PPIP5K1: variants seen among roughly 807,000 people sequenced by gnomAD.
PPIP5K1 encodes inositol hexakisphosphate and diphosphoinositol-pentakisphosphate kinase 1.
Under a neutral mutation model 27.7 loss-of-function variants are expected in PPIP5K1, and 6 were observed. The ratio of observed to expected loss-of-function variants is 0.22; its 90% confidence interval spans 0.12 to 0.43. PPIP5K1 has a LOEUF of 0.43. Ranked by LOEUF, PPIP5K1 falls within the 20% of genes least tolerant of loss-of-function variation. The pLI is 1.00. For synonymous variants in PPIP5K1, 145 were observed against 242.6 expected, an observed-to-expected ratio of 0.60 and a Z score of 3.74; for missense variants, 394 against 635.4, an observed-to-expected ratio of 0.62 and a Z score of 4.08.
chr15:43,558,911 A>G lies in PPIP5K1; in HGVS notation c.3440T>C (p.Val1147Ala). 6.2e-7 allele frequency: 1 copy of G among 1,613,736 alleles called. No individual in the cohort carries two copies. Among genetic ancestry groups the G allele is most frequent in the African/African-American group, 1.3e-5 (1 of 75,000 alleles). ...CLYGFEGCSM[V>A]PTIYPLETLH... ...TGTTTCCAGAGGGTAGATGGTAGGC[A>G]CCATGGAACACCCTTCAAACCCTGT... Residue 1147 changes from valine to alanine, a missense_variant, in exon 30 of 32, where the codon GTG becomes GCG. Around this residue, in one of 4 missense-constraint regions of PPIP5K1, gnomAD observed 379 missense variants for 423.9 expected, o/e 0.89. Coordinates refer to ENST00000420765, the MANE Select transcript of PPIP5K1 (RefSeq NM_001394395.1).
At position 43,558,775 on chromosome 15, in the gene PPIP5K1, A is replaced by T; in HGVS notation, c.3556+20T>A. On this transcript the variant is annotated intron_variant, in intron 30 of 31. Transcript: ENST00000420765. ...GGCATGGGGGCAGAGAGAAGGGTAA[A>T]AAAATAAGAATATCCCTACCTGCAG... 1 of 1,613,056 alleles carries T rather than the reference A, an allele frequency of 6.2e-7. No individual in the cohort carries two copies. The highest frequency in any genetic ancestry group is 8.5e-7 in the Non-Finnish European group (1 of 1,179,970).
intron 30 of PPIP5K1, among the ~76,000 whole-genome samples, chr15:43,542,588 T>C (rs1258561027): frequency 6.6e-6 from 1 of 151,852 alleles, no homozygotes; most frequent in Non-Finnish European, 1.5e-5. Flanking sequence ...CTACCTCACC[T>C]AGCACCCAGC....
At chr15:43,552,008 C>T (rs1476880138) in intron 30 of PPIP5K1, among the ~76,000 whole-genome samples, 1 of 149,922 alleles carries the variant, frequency 6.7e-6, no homozygotes, top group Non-Finnish European at 1.5e-5. Flanking sequence ...GGCTGGAATG[C>T]AATGGTACAA....
chr15:43,541,021 T>C (rs2080624418), intron 30 of PPIP5K1, among the ~76,000 whole-genome samples: 2 of 152,180 alleles, frequency 1.3e-5, no homozygotes, highest in Admixed American at 6.5e-5. Context: ...TTCCCCCAAA[T>C]GTCTTTTATA....
At chr15:43,548,849 A>C (rs2081736745) in intron 30 of PPIP5K1, among the ~76,000 whole-genome samples, 1 of 149,030 alleles carries the variant, frequency 6.7e-6, no homozygotes, top group African/African-American at 2.5e-5. Flanking sequence ...AACATGGTGA[A>C]ACCCTGTCTC....
chr15:43,550,328 T>C (rs1270631893), intron 30 of PPIP5K1, among the ~76,000 whole-genome samples: 1 of 151,880 alleles, frequency 6.6e-6, no homozygotes, highest in East Asian at 1.9e-4. Context: ...ATTTTTTTTG[T>C]AGAGAGAGTG....
chr15:43,555,857 TG>T (rs1448795551), intron 30 of PPIP5K1, among the ~76,000 whole-genome samples: 3 of 145,250 alleles, frequency 2.1e-5, no homozygotes, highest in Non-Finnish European at 4.6e-5. Flanking sequence ...CCACCCTCCT[TG>T]GCCTCTCAAA....
At chr15:43,552,587 G>C (rs2082360115) in intron 30 of PPIP5K1, among the ~76,000 whole-genome samples, 1 of 150,958 alleles carries the variant, frequency 6.6e-6, no homozygotes, top group Non-Finnish European at 1.5e-5. Flanking sequence ...GGGTGTGGTG[G>C]TGTGTGCCTG....
chr15:43,537,030 CT>C (rs2079952954), intron 31 of PPIP5K1, among the ~76,000 whole-genome samples: 1 of 151,970 alleles, frequency 6.6e-6, no homozygotes, highest in Admixed American at 6.6e-5. Context: ...CTAGTTATCT[CT>C]CTTCTGTAAA....
At chr15:43,542,713 T>G (rs1350355137) in intron 30 of PPIP5K1, among the ~76,000 whole-genome samples, 1 of 148,914 alleles carries the variant, frequency 6.7e-6, no homozygotes, top group Non-Finnish European at 1.5e-5. Context: ...AGACAGGCTC[T>G]TACTCTGTCA....
At position 43,552,109 on chromosome 15, in the gene PPIP5K1, G is replaced by A. The variant is rs536270427; in HGVS notation, c.3556+6686C>T. ...CCTGGGATTACAGGTTTGCACCACC[G>A]CACTTGGCTAATTTTAAAGTTTTTC... On this transcript the variant is annotated intron_variant, in intron 30 of 31. Transcript: ENST00000420765. Among the ~76,000 whole-genome samples, 17 of 151,438 alleles carry A rather than the reference G, an allele frequency of 1.1e-4. No individual in the cohort carries two copies. In the South Asian group the frequency reaches 2.5e-3, roughly 22 times the overall value.
intron 31 of PPIP5K1, among the ~76,000 whole-genome samples, chr15:43,539,102 T>C (rs2080316666): frequency 6.6e-6 from 1 of 151,896 alleles, no homozygotes; most frequent in African/African-American, 2.4e-5. Context: ...TCCCAGCTAC[T>C]TGGGAGGCTG....
chr15:43,572,433 CAAAAAAAAAAAA>C (rs1192497589), intron 23 of PPIP5K1, among the ~76,000 whole-genome samples: 123 of 37,020 alleles, frequency 3.3e-3, no homozygotes, highest in African/African-American at 0.011. Flanking sequence ...GACCTTGTCT[CAAAAAAAAAAAA>C]AAAAAAAAAA....
intron 30 of PPIP5K1, among the ~76,000 whole-genome samples, chr15:43,549,349 G>T (rs1030479595): frequency 2.0e-5 from 3 of 151,922 alleles, no homozygotes; most frequent in East Asian, 1.9e-4. Context: ...TCCTTTTTCA[G>T]TTGTTCATTG....
chr15:43,545,320 C>T (rs2081241970), intron 30 of PPIP5K1, among the ~76,000 whole-genome samples: 1 of 152,070 alleles, frequency 6.6e-6, no homozygotes. Context: ...ACCAGACTTG[C>T]CAAGAGAGTA....
intron 30 of PPIP5K1, 125 bp downstream of exon 30, chr15:43,558,670 T>C (rs2083362381): frequency 3.7e-6 from 5 of 1,345,272 alleles, no homozygotes; most frequent in Admixed American, 2.2e-5. Flanking sequence ...AATTATACAT[T>C]TTTAAGTGTA....
intron 31 of PPIP5K1, chr15:43,536,012 C>A: frequency 9.2e-7 from 1 of 1,088,416 alleles, no homozygotes. Flanking sequence ...AAGAATCATT[C>A]TTTAAAGCAA....
intron 30 of PPIP5K1, among the ~76,000 whole-genome samples, chr15:43,554,252 G>C (rs545457731): frequency 1.3e-5 from 2 of 152,302 alleles, no homozygotes; most frequent in Admixed American, 1.3e-4. Flanking sequence ...TATTTGGTAT[G>C]TGTTTATAAT....
chr15:43,565,367 T>C (rs867316444), intron 26 of PPIP5K1, among the ~76,000 whole-genome samples: 79 of 37,350 alleles, frequency 2.1e-3, no homozygotes, highest in Middle Eastern at 9.1e-3. Flanking sequence ...ACCCTGGATA[T>C]ATAGCTTGAG....
Sources: allele counts gnomAD v4.1 joint callset (sites outside exome capture counted in the v4.1 genomes callset), GRCh38; gene constraint gnomAD v4.1.1; regional missense constraint gnomAD v4.1.1; transcripts MANE v1.5; gene names NCBI Gene and HGNC (gene_info 2026-07-23, HGNC 2026-07-21).